The following MAML3 variants were observed in gnomAD, a reference collection of about 807,000 sequenced individuals.
MAML3 encodes the protein mastermind like transcriptional coactivator 3, also known as mastermind-like protein 3.
A neutral mutation model predicts 101.9 loss-of-function variants in MAML3; 27 were observed. The ratio of observed to expected loss-of-function variants is 0.27; its 90% confidence interval spans 0.20 to 0.37. MAML3 has a LOEUF of 0.37. MAML3 is among the 10% of genes least tolerant of loss of function. MAML3 has a pLI of 1.00. For synonymous variants in MAML3, 501 were observed against 555.9 expected (o/e 0.90, Z 1.39); for missense variants, 1,316 against 1,444.9 (o/e 0.91, Z 1.45).
chr4:139,824,050 G>C (rs978326930), intron 2 of MAML3, among the ~76,000 whole-genome samples: 8 of 152,108 alleles, frequency 5.3e-5, no homozygotes, highest in Non-Finnish European at 1.2e-4. Context: ...TGAGGAGGAA[G>C]TAAAATATAT....
At chr4:139,795,143 C>T (rs1730489177) in intron 2 of MAML3, among the ~76,000 whole-genome samples, 1 of 152,156 alleles carries the variant, frequency 6.6e-6, no homozygotes, top group Admixed American at 6.5e-5. Flanking sequence ...AATAACCCAT[C>T]CTGAAATTCA....
chr4:139,797,518 C>A (rs571211776), intron 2 of MAML3, among the ~76,000 whole-genome samples: 2 of 151,694 alleles, frequency 1.3e-5, no homozygotes, highest in Non-Finnish European at 2.9e-5. Flanking sequence ...AACACCACAT[C>A]CTTGGTGGAA....
chr4:139,988,790 T>C (rs1212981849), intron 1 of MAML3, among the ~76,000 whole-genome samples: 1 of 152,198 alleles, frequency 6.6e-6, no homozygotes, highest in Non-Finnish European at 1.5e-5. Flanking sequence ...TCAATAAAAT[T>C]GAGGTTAAAC....
At chr4:140,105,624 T>C (rs1728338141) in intron 1 of MAML3, among the ~76,000 whole-genome samples, 1 of 152,224 alleles carries the variant, frequency 6.6e-6, no homozygotes, top group Non-Finnish European at 1.5e-5. Context: ...AAGCCTCGTA[T>C]TGATAAAGTA....
intron 2 of MAML3, among the ~76,000 whole-genome samples, chr4:139,857,173 C>G (rs1731676336): frequency 6.6e-6 from 1 of 152,160 alleles, no homozygotes. Flanking sequence ...CTGGCTGAGG[C>G]AGGAAGAGGT....
At chr4:140,018,625 T>G (rs1726685787) in intron 1 of MAML3, among the ~76,000 whole-genome samples, 1 of 152,192 alleles carries the variant, frequency 6.6e-6, no homozygotes, top group South Asian at 2.1e-4. Flanking sequence ...ATTCATTAAT[T>G]CATCCACAAG....
chr4:140,030,550 C>G (rs542839670), intron 1 of MAML3, among the ~76,000 whole-genome samples: 6 of 152,036 alleles, frequency 3.9e-5, no homozygotes, highest in African/African-American at 1.5e-4. Flanking sequence ...CCTTTTTGTC[C>G]CATGTTTTTG....
intron 2 of MAML3, among the ~76,000 whole-genome samples, chr4:139,774,746 A>T (rs914275472): frequency 2.6e-5 from 4 of 152,254 alleles, no homozygotes; most frequent in Admixed American, 2.6e-4. Context: ...GACGTGAATT[A>T]TTCTAAACCA....
chr4:140,090,597 G>A (rs1879615), intron 1 of MAML3, among the ~76,000 whole-genome samples: 141,947 of 152,200 alleles, frequency 0.93, 66,812 homozygotes, highest in East Asian at 1. Flanking sequence ...CAACTGGCCC[G>A]TGGGTGGCGG....
chr4:139,818,641 TG>T (rs1304388096), intron 2 of MAML3, among the ~76,000 whole-genome samples: 2 of 152,178 alleles, frequency 1.3e-5, no homozygotes, highest in African/African-American at 4.8e-5. Context: ...AAATTGTCAT[TG>T]TCAGAACGAA....
chr4:139,800,556 A>T (rs1211717516), intron 2 of MAML3, among the ~76,000 whole-genome samples: 1 of 152,202 alleles, frequency 6.6e-6, no homozygotes, highest in Non-Finnish European at 1.5e-5. Context: ...TCAAAAGAGG[A>T]GGAGAACAGA....
chr4:139,757,094 AG>A (rs1437773832), intron 2 of MAML3, among the ~76,000 whole-genome samples: 1 of 152,152 alleles, frequency 6.6e-6, no homozygotes, highest in African/African-American at 2.4e-5. Flanking sequence ...TGTCTGAGCC[AG>A]GGGGATCATC....
intron 2 of MAML3, among the ~76,000 whole-genome samples, chr4:139,804,413 C>G (rs1412998144): frequency 2.0e-5 from 3 of 151,990 alleles, no homozygotes; most frequent in Non-Finnish European, 4.4e-5. Context: ...ATTACAGGTG[C>G]CCGCCACCAT....
chr4:139,824,954 T>C (rs1164351596), intron 2 of MAML3, among the ~76,000 whole-genome samples: 1 of 151,146 alleles, frequency 6.6e-6, no homozygotes, highest in Non-Finnish European at 1.5e-5. Flanking sequence ...AGAGGGACCA[T>C]GCAGTCTGAA....
At chr4:139,831,747 C>T (rs1731166108) in intron 2 of MAML3, among the ~76,000 whole-genome samples, 1 of 151,994 alleles carries the variant, frequency 6.6e-6, no homozygotes, top group South Asian at 2.1e-4. Context: ...AACATGATAT[C>T]CTGAGGAACA....
chr4:139,757,694 T>C (rs1258816642), intron 2 of MAML3, among the ~76,000 whole-genome samples: 1 of 150,732 alleles, frequency 6.6e-6, no homozygotes, highest in East Asian at 1.9e-4. Context: ...GCACACTTCA[T>C]GACCCACCTC....
In MAML3 at chr4:140,043,074, C is replaced by A. The variant is rs1727114777; in HGVS notation, c.468+109786G>T. ...AGGTCTACCTACAGGGAAAAAAAGA[C>A]AAGCCATTCAAATTCAGGACTGTTC... On this transcript the variant is annotated intron_variant, in intron 1 of 4. Coordinates refer to ENST00000509479, the MANE Select transcript of MAML3 (RefSeq NM_018717.5). 2.0e-5 allele frequency among the ~76,000 whole-genome samples: 3 copies of A among 152,096 alleles called. No individual in the cohort carries two copies. The South Asian group carries it at 6.2e-4, about 32-fold the overall frequency.
intron 1 of MAML3, among the ~76,000 whole-genome samples, chr4:140,108,203 T>C (rs1006361337): frequency 4.6e-5 from 7 of 152,052 alleles, no homozygotes; most frequent in Admixed American, 3.3e-4. Context: ...TCTCTACTCA[T>C]GCTGCCCCTC....
At chr4:140,059,529 T>C (rs866630362) in intron 1 of MAML3, among the ~76,000 whole-genome samples, 2 of 152,384 alleles carry the variant, frequency 1.3e-5, no homozygotes, top group Admixed American at 1.3e-4. Context: ...ATTCTCATTA[T>C]CTGATTATTA....
Sources: allele counts gnomAD v4.1 joint callset (sites outside exome capture counted in the v4.1 genomes callset), GRCh38; gene constraint gnomAD v4.1.1; transcripts MANE v1.5; gene names NCBI Gene and HGNC (gene_info 2026-07-23, HGNC 2026-07-21).